Variants in PLD5 observed in about 807,000 individuals in gnomAD.
PLD5 encodes the protein phospholipase D family member 5.
Under a neutral mutation model 61.1 loss-of-function variants are expected in PLD5, and 36 were observed. That is an observed-to-expected ratio of 0.59 (90% CI 0.45 to 0.78). The LOEUF (loss-of-function observed/expected upper bound fraction) is 0.78, where lower values mean the gene tolerates loss of function less well. PLD5 is among the 30% of genes least tolerant of loss of function. The pLI is 0.00. For missense variants in PLD5, 515 were observed against 644.4 expected, an observed-to-expected ratio of 0.80 and a Z score of 2.17; for synonymous variants, 243 against 242.8, an observed-to-expected ratio of 1.00 and a Z score of -0.01.
intron 1 of PLD5, among the ~76,000 whole-genome samples, chr1:242,391,308 G>T (rs1416089552): frequency 6.6e-6 from 1 of 152,126 alleles, no homozygotes; most frequent in Non-Finnish European, 1.5e-5. Context: ...TAGTATGGGA[G>T]TTCATTACAA....
intron 4 of PLD5, among the ~76,000 whole-genome samples, chr1:242,225,598 G>C (rs994560334): frequency 4.0e-5 from 6 of 150,238 alleles, no homozygotes; most frequent in Admixed American, 2.0e-4. Flanking sequence ...CATTCATGCT[G>C]TCATGTGGAA....
intron 2 of PLD5, among the ~76,000 whole-genome samples, chr1:242,334,242 C>T (rs571850121): frequency 2.2e-4 from 33 of 152,218 alleles, no homozygotes; most frequent in African/African-American, 7.7e-4. Context: ...CATAATCAAC[C>T]TGTCTTCCTG....
chr1:242,211,911 A>G (rs1046759859), intron 5 of PLD5, among the ~76,000 whole-genome samples: 4 of 152,352 alleles, frequency 2.6e-5, no homozygotes, highest in Admixed American at 6.5e-5. Context: ...TGGCAGGCTC[A>G]ATTAAGGGAC....
chr1:242,393,167 G>A (rs927318386), intron 1 of PLD5, among the ~76,000 whole-genome samples: 7 of 149,288 alleles, frequency 4.7e-5, no homozygotes, highest in Non-Finnish European at 7.4e-5. Context: ...TCACGCCACT[G>A]AACTCCAGCC....
intron 3 of PLD5, among the ~76,000 whole-genome samples, chr1:242,282,439 C>A (rs1355770767): frequency 9.9e-5 from 15 of 152,132 alleles, no homozygotes; most frequent in Non-Finnish European, 2.1e-4. Context: ...CCAAAAACAA[C>A]CTCTTGGATC....
Position 242,146,572 on chromosome 1 carries a change from T to C in PLD5, c.736-21907A>G, listed in dbSNP as rs570526115. Among the ~76,000 whole-genome samples, 9 of 152,256 alleles carry C rather than the reference T, an allele frequency of 5.9e-5. No individual in the cohort carries two copies. The South Asian group carries it at 1.9e-3, about 32-fold the overall frequency. ...ACAGCATGCCATACACTTGAAGAAATTTTTATAGAATGCCACAATTTTATA... is the reference window on the plus strand; with the variant it reads ...ACAGCATGCCATACACTTGAAGAAACTTTTATAGAATGCCACAATTTTATA... On this transcript the variant is annotated intron_variant, in intron 5 of 9. Coordinates refer to ENST00000536534, the MANE Select transcript of PLD5 (RefSeq NM_001372062.1).
intron 1 of PLD5, among the ~76,000 whole-genome samples, chr1:242,396,141 G>C (rs1191715773): frequency 6.6e-6 from 1 of 152,182 alleles, no homozygotes; most frequent in Non-Finnish European, 1.5e-5. Flanking sequence ...TGAAATAGCA[G>C]AGAGTGAGTT....
chr1:242,320,037 C>G (rs1181579221), intron 2 of PLD5, among the ~76,000 whole-genome samples: 13 of 152,310 alleles, frequency 8.5e-5, no homozygotes, highest in African/African-American at 3.1e-4. Context: ...ACAGATTTTT[C>G]CTATGATTTT....
chr1:242,370,381 A>G (rs1234721565), intron 1 of PLD5, among the ~76,000 whole-genome samples: 1 of 152,172 alleles, frequency 6.6e-6, no homozygotes, highest in Non-Finnish European at 1.5e-5. Context: ...CCTCACTCTT[A>G]AGAGAGTCTC....
At chr1:242,120,638 G>A (rs1435953) in intron 6 of PLD5, among the ~76,000 whole-genome samples, 66,042 of 152,026 alleles carry the variant, frequency 0.43, 15,769 homozygotes, top group African/African-American at 0.64. Context: ...CATATACATG[G>A]CTGACAGGTG....
upstream of PLD5, among the ~76,000 whole-genome samples, chr1:242,526,340 C>T (rs1380824406): frequency 1.3e-5 from 2 of 152,184 alleles, no homozygotes; most frequent in African/African-American, 4.8e-5. Context: ...GAGCCGATAT[C>T]GCACTGCACC....
intron 1 of PLD5, among the ~76,000 whole-genome samples, chr1:242,516,497 T>C (rs1450895456): frequency 1.3e-5 from 2 of 152,158 alleles, no homozygotes; most frequent in Non-Finnish European, 2.9e-5. Flanking sequence ...TTACAACTCA[T>C]ATTAAACTGA....
At position 242,125,998 on chromosome 1, in the gene PLD5, C is replaced by T. The variant is rs59821006; in HGVS notation, c.736-1333G>A. 7.8e-3 allele frequency among the ~76,000 whole-genome samples: 1,189 copies of T among 152,210 alleles called. 25 individuals are homozygous for T. The East Asian group carries it at 0.1, about 13-fold the overall frequency. ...ATGAGCATCCTGATATATCTTTGTG[C>T]GCCTTTAATATAGATTCCTAGAGTG... On this transcript the variant is annotated intron_variant, in intron 5 of 9. Coordinates refer to ENST00000536534, the MANE Select transcript of PLD5 (RefSeq NM_001372062.1).
At chr1:242,460,151 ACTT>A (rs1421552677) in intron 1 of PLD5, among the ~76,000 whole-genome samples, 3 of 152,302 alleles carry the variant, frequency 2.0e-5, no homozygotes, top group African/African-American at 7.2e-5. Context: ...TGTATACTGT[ACTT>A]CTACATAAAA....
chr1:242,336,953 ACT>A (rs1659549177), intron 2 of PLD5, among the ~76,000 whole-genome samples: 1 of 152,142 alleles, frequency 6.6e-6, no homozygotes, highest in Non-Finnish European at 1.5e-5. Flanking sequence ...TTTTTATAAA[ACT>A]CTGTAGAATA....
chr1:242,207,490 A>G (rs1669394312), intron 5 of PLD5, among the ~76,000 whole-genome samples: 2 of 152,044 alleles, frequency 1.3e-5, no homozygotes, highest in South Asian at 4.1e-4. Context: ...AGGCTTTACA[A>G]CTGGGATGCT....
At chr1:242,307,119 A>G (rs1034009569) in intron 2 of PLD5, among the ~76,000 whole-genome samples, 1 of 152,202 alleles carries the variant, frequency 6.6e-6, no homozygotes, top group African/African-American at 2.4e-5. Context: ...TGGACACAGA[A>G]TATTAAGTTG....
At position 242,282,714 on chromosome 1, in the gene PLD5, C is replaced by A. The variant is rs1674781785; in HGVS notation, c.495+5648G>T. On this transcript the variant is annotated intron_variant, in intron 3 of 9. Transcript: ENST00000536534. ...TGAATTAGGTAGCTCTACTAATGAG[C>A]CTCTGTCAGTTATATTTCCTGACTG... Among the ~76,000 whole-genome samples the A allele has an allele frequency of 2.0e-5, 3 of 151,962 alleles. No individual in the cohort carries two copies. In the South Asian group the frequency reaches 6.2e-4, roughly 32 times the overall value.
intron 2 of PLD5, among the ~76,000 whole-genome samples, chr1:242,289,898 G>A (rs1002068931): frequency 6.6e-6 from 1 of 151,504 alleles, no homozygotes; most frequent in Non-Finnish European, 1.5e-5. Context: ...AATACTGCTA[G>A]TAAAATGTTC....
Sources: gnomAD v4.1 joint callset for allele counts (sites outside exome capture counted in the v4.1 genomes callset) on GRCh38, gnomAD v4.1.1 for gene constraint, MANE v1.5 for transcripts, NCBI Gene and HGNC (gene_info 2026-07-23, HGNC 2026-07-21) for gene names.